LAMA2: variants seen among roughly 807,000 people sequenced by gnomAD.
LAMA2 encodes the protein laminin subunit alpha-2.
In LAMA2, 269 loss-of-function variants were observed where a neutral mutation model predicts 364.8. That is an observed-to-expected ratio of 0.74 (90% CI 0.67 to 0.82). LAMA2 has a LOEUF of 0.82. LAMA2 is among the 40% of genes least tolerant of loss of function. The pLI, the probability that LAMA2 is intolerant of heterozygous loss-of-function variation, is 0.00. For synonymous variants in LAMA2, 1,379 were observed against 1,370.6 expected, an observed-to-expected ratio of 1.01 and a Z score of -0.14; for missense variants, 3,807 against 3,873.2, an observed-to-expected ratio of 0.98 and a Z score of 0.45.
intron 32 of LAMA2, among the ~76,000 whole-genome samples, chr6:129,355,272 ACT>A (rs1471820613): frequency 6.6e-6 from 1 of 152,010 alleles, no homozygotes; most frequent in Non-Finnish European, 1.5e-5. Flanking sequence ...CACTAAACTA[ACT>A]CTAAGAATTG....
At chr6:129,240,649 C>T (rs1785336281) in intron 12 of LAMA2, among the ~76,000 whole-genome samples, 1 of 152,190 alleles carries the variant, frequency 6.6e-6, no homozygotes. Flanking sequence ...TCTGGATGTG[C>T]TCTGACTAGC....
intron 14 of LAMA2, among the ~76,000 whole-genome samples, chr6:129,259,325 G>A (rs1047182560): frequency 1.3e-5 from 2 of 151,926 alleles, no homozygotes; most frequent in African/African-American, 2.4e-5. Flanking sequence ...CAAGTTATTT[G>A]GTAATTGTGA....
intron 35 of LAMA2, among the ~76,000 whole-genome samples, chr6:129,386,829 A>G (rs1325895635): frequency 6.6e-6 from 1 of 152,168 alleles, no homozygotes; most frequent in African/African-American, 2.4e-5. Context: ...AGATGCTCTC[A>G]TTTAATCCAA....
chr6:129,267,297 C>A, intron 16 of LAMA2, 78 bp downstream of exon 16: 1 of 959,630 alleles, frequency 1.0e-6, no homozygotes, highest in Non-Finnish European at 1.7e-6. Context: ...CAGCTACTAC[C>A]CTGGGGACCT....
chr6:129,256,763 CATATATATATATATAT>C (rs199726173), intron 14 of LAMA2, among the ~76,000 whole-genome samples: 2,725 of 87,958 alleles, frequency 0.031, 102 homozygotes, highest in Non-Finnish European at 0.045. Flanking sequence ...AATTATATAG[CATATATATATATATAT>C]ATATATATAT....
intron 8 of LAMA2, chr6:129,158,093 G>A: frequency 6.2e-7 from 1 of 1,612,158 alleles, no homozygotes; most frequent in South Asian, 1.1e-5. Context: ...TGTGCAGGTG[G>A]CACAGACCAC....
chr6:129,333,681 CA>C (rs1775785450), intron 29 of LAMA2, among the ~76,000 whole-genome samples: 2 of 152,040 alleles, frequency 1.3e-5, no homozygotes, highest in Admixed American at 1.3e-4. Flanking sequence ...ATTCAATAGG[CA>C]ATTTGAGAGG....
chr6:129,347,858 G>T (rs1490390), intron 30 of LAMA2, among the ~76,000 whole-genome samples: 36 of 152,186 alleles, frequency 2.4e-4, no homozygotes, highest in Non-Finnish European at 4.6e-4. Flanking sequence ...GAAAAAAATT[G>T]TATCAACTAT....
chr6:129,192,793 C>T lies in LAMA2; in HGVS notation c.1722C>T (p.Ala574=), dbSNP rs777308198. The T allele has an allele frequency of 9.3e-6, 15 of 1,614,056 alleles. No individual in the cohort carries two copies. Among genetic ancestry groups the T allele is most frequent in the Non-Finnish European group, 1.3e-5 (15 of 1,180,044 alleles). The change falls in exon 12 of 65, where the codon GCC becomes GCT. Residue 574 remains alanine, a synonymous_variant. Transcript: ENST00000421865. Reference sequence around the variant, plus strand: ...AGATCAGCATCAGTAACGCGGAGGCCCGGCAAGCCCTGCCGCACAGCTACT... The same window carrying T: ...AGATCAGCATCAGTAACGCGGAGGCTCGGCAAGCCCTGCCGCACAGCTACT... The part of the protein sequence containing the change: ...PQQISISNAE[A]RQALPHSYYW...
chr6:129,041,382 G>A (rs935199918), intron 1 of LAMA2, among the ~76,000 whole-genome samples: 1 of 152,136 alleles, frequency 6.6e-6, no homozygotes, highest in African/African-American at 2.4e-5. Context: ...GCTGATTGCA[G>A]GCCTGTGGGT....
intron 41 of LAMA2, among the ~76,000 whole-genome samples, chr6:129,434,083 C>T (rs1462229086): frequency 1.3e-5 from 2 of 152,136 alleles, no homozygotes; most frequent in Non-Finnish European, 2.9e-5. Flanking sequence ...ATTTTGAGAT[C>T]GTACATAGTT....
At chr6:129,314,398 CAAAAA>C (rs3062342) in intron 23 of LAMA2, among the ~76,000 whole-genome samples, 3 of 81,890 alleles carry the variant, frequency 3.7e-5, no homozygotes, top group African/African-American at 1.6e-4. Context: ...GACTCCGTCT[CAAAAA>C]AAAAAAAAAA....
chr6:129,413,593 A>G (rs1780643966), intron 40 of LAMA2, among the ~76,000 whole-genome samples: 1 of 152,208 alleles, frequency 6.6e-6, no homozygotes, highest in Admixed American at 6.5e-5. Context: ...TCTTATCATA[A>G]TGCAATACAA....
At chr6:129,389,872 C>T (rs1416719256) in intron 35 of LAMA2, among the ~76,000 whole-genome samples, 2 of 152,164 alleles carry the variant, frequency 1.3e-5, no homozygotes, top group African/African-American at 4.8e-5. Flanking sequence ...CCTCCCTCAA[C>T]ATGTGGGTAT....
At chr6:128,979,413 T>C (rs964118992) in intron 1 of LAMA2, among the ~76,000 whole-genome samples, 1 of 151,736 alleles carries the variant, frequency 6.6e-6, no homozygotes, top group African/African-American at 2.4e-5. Context: ...AAAAAAAAAA[T>C]ATGGACTGCT....
intron 17 of LAMA2, among the ~76,000 whole-genome samples, chr6:129,274,690 A>G (rs1788180058): frequency 1.3e-5 from 2 of 152,038 alleles, no homozygotes; most frequent in South Asian, 4.1e-4. Context: ...TCAACTATTT[A>G]TGGTGATCAC....
chr6:129,174,592 A>T (rs728348), intron 9 of LAMA2, among the ~76,000 whole-genome samples: 2,145 of 152,156 alleles, frequency 0.014, 40 homozygotes, highest in African/African-American at 0.048. Flanking sequence ...AAGTTATGTG[A>T]TAATGACCTA....
chr6:129,193,783 A>G (rs989577675), intron 12 of LAMA2, among the ~76,000 whole-genome samples: 3 of 152,212 alleles, frequency 2.0e-5, no homozygotes, highest in Admixed American at 6.5e-5. Context: ...TAAGCAAATA[A>G]AAGTATGTTT....
At chr6:129,246,002 A>G (rs2114260197) in intron 12 of LAMA2, among the ~76,000 whole-genome samples, 1 of 152,310 alleles carries the variant, frequency 6.6e-6, no homozygotes, top group African/African-American at 2.4e-5. Flanking sequence ...CCACAGTTCT[A>G]TTTCTTAAGT....
Sources: allele counts gnomAD v4.1 joint callset (sites outside exome capture counted in the v4.1 genomes callset), GRCh38; gene constraint gnomAD v4.1.1; transcripts MANE v1.5; gene names NCBI Gene and HGNC (gene_info 2026-07-23, HGNC 2026-07-21).